Variants in FBXL20 observed in about 807,000 individuals in gnomAD.
The protein encoded by FBXL20 is F-box/LRR-repeat protein 20.
Under a neutral mutation model 64.0 loss-of-function variants are expected in FBXL20, and 11 were observed. That is an observed-to-expected ratio of 0.17 (90% CI 0.11 to 0.28). The LOEUF (loss-of-function observed/expected upper bound fraction) is 0.28. FBXL20 is among the 10% of genes least tolerant of loss of function. The pLI, the probability that FBXL20 is intolerant of heterozygous loss-of-function variation, is 1.00. For missense variants in FBXL20, 303 were observed against 526.2 expected (o/e 0.58, Z 4.15); for synonymous variants, 184 against 189.0 (o/e 0.97, Z 0.22).
At chr17:39,382,831 G>A (rs562623660) in intron 1 of FBXL20, among the ~76,000 whole-genome samples, 1 of 151,798 alleles carries the variant, frequency 6.6e-6, no homozygotes, top group African/African-American at 2.4e-5. Flanking sequence ...AGAGTGAGAC[G>A]TTGTCTCTAA....
chr17:39,272,402 A>T (rs59093626), intron 10 of FBXL20, among the ~76,000 whole-genome samples: 1,376 of 110,664 alleles, frequency 0.012, 14 homozygotes, highest in Non-Finnish European at 0.021. Flanking sequence ...AAAAAAAAAA[A>T]TTTTTTTTTT....
At chr17:39,277,292 C>A (rs1293024961) in intron 9 of FBXL20, among the ~76,000 whole-genome samples, 2 of 152,046 alleles carry the variant, frequency 1.3e-5, no homozygotes, top group South Asian at 2.1e-4. Context: ...CTATGATAGC[C>A]GAGATGTAAA....
intron 2 of FBXL20, among the ~76,000 whole-genome samples, chr17:39,310,744 G>C (rs531545768): frequency 2.0e-5 from 3 of 152,198 alleles, no homozygotes; most frequent in Non-Finnish European, 4.4e-5. Context: ...CCAGCACTTT[G>C]GGAGGCCAAG....
At position 39,320,592 on chromosome 17, in the gene FBXL20, A is replaced by ATT. The variant is rs916741667; in HGVS notation, c.105-16955_105-16954dup. ...GCCCTGTCCAGAATGTCTAGTATGA[A>ATT]TTTTTTTTTTTTTTTTTTTGAGATA... On this transcript the variant is annotated intron_variant, in intron 2 of 14. Transcript: ENST00000264658. Among the ~76,000 whole-genome samples the ATT allele has an allele frequency of 5.0e-3, 692 of 137,666 alleles. 7 individuals are homozygous for ATT. Among genetic ancestry groups the ATT allele is most frequent in the African/African-American group, 0.016 (592 of 36,882 alleles). The allele number at this position is 137,666 out of a possible 152,430, so 90.3% of individuals were successfully genotyped here.
chr17:39,282,957 C>T, intron 7 of FBXL20, 102 bp from the exon 8 acceptor site: 1 of 1,346,280 alleles, frequency 7.4e-7, no homozygotes, highest in Non-Finnish European at 1.0e-6. Flanking sequence ...GGAAACATTC[C>T]CATTTTTTCC....
chr17:39,378,173 T>C (rs938671836), intron 1 of FBXL20, among the ~76,000 whole-genome samples: 1 of 152,198 alleles, frequency 6.6e-6, no homozygotes, highest in African/African-American at 2.4e-5. Flanking sequence ...TTTCCAGAGT[T>C]GCCACATTAT....
chr17:39,363,644 T>C (rs2047821598), intron 1 of FBXL20, among the ~76,000 whole-genome samples: 1 of 151,490 alleles, frequency 6.6e-6, no homozygotes. Context: ...GCCCCTCCTC[T>C]AGAAAAAATT....
intron 2 of FBXL20, among the ~76,000 whole-genome samples, chr17:39,307,434 G>A (rs916267388): frequency 3.9e-5 from 6 of 152,246 alleles, no homozygotes; most frequent in African/African-American, 1.2e-4. Flanking sequence ...TCCAGTAGAC[G>A]AAATAGTGGG....
At chr17:39,282,689 C>T (rs376772607) in intron 8 of FBXL20, 40 bp downstream of exon 8, 150 of 1,613,478 alleles carry the variant, frequency 9.3e-5, no homozygotes, top group Non-Finnish European at 1.1e-4. Flanking sequence ...GATTCATTCA[C>T]GATTCTTCCG....
chr17:39,259,360 TAGA>T lies in FBXL20; in HGVS notation c.*2097_*2099del, dbSNP rs1163616949. The T allele has an allele frequency of 1.3e-5, 2 of 152,092 alleles. No homozygotes were observed. The highest frequency in any genetic ancestry group is 2.9e-5 in the Non-Finnish European group (2 of 68,018). The allele number at this position is 152,092 out of a possible 1,614,324, so 9.4% of individuals were successfully genotyped here. On this transcript the variant is annotated 3_prime_UTR_variant, in exon 15 of 15. Transcript: ENST00000264658. ...AAGCCTTTTAATAGTCTGGATCATA[TAGA>T]AGATTAATATTATGATGGATTGCAC...
chr17:39,314,959 G>A (rs973627271), intron 2 of FBXL20, among the ~76,000 whole-genome samples: 3 of 151,720 alleles, frequency 2.0e-5, no homozygotes, highest in South Asian at 2.1e-4. Flanking sequence ...TACCACACCC[G>A]GCTAATTTGT....
At chr17:39,262,725 G>A (rs982864853) in intron 14 of FBXL20, among the ~76,000 whole-genome samples, 3 of 151,872 alleles carry the variant, frequency 2.0e-5, no homozygotes, top group Non-Finnish European at 4.4e-5. Context: ...TCGGCCGGGC[G>A]CAGTGGCTCA....
In FBXL20 at chr17:39,398,385, G is replaced by A. The variant is rs117719511; in HGVS notation, c.42+2976C>T. 2.9e-3 allele frequency among the ~76,000 whole-genome samples: 445 copies of A among 152,182 alleles called. 1 individual carries two copies. The highest frequency in any genetic ancestry group is 0.019 in the South Asian group (92 of 4,822). On this transcript the variant is annotated intron_variant, in intron 1 of 14. Coordinates refer to ENST00000264658, the MANE Select transcript of FBXL20 (RefSeq NM_032875.3). Reference sequence around the variant, plus strand: ...ATGCAGGAAGTATTCAATAACCATCGTTAAATTTGAAAGACAATTACTAAA... The same window carrying A: ...ATGCAGGAAGTATTCAATAACCATCATTAAATTTGAAAGACAATTACTAAA...
chr17:39,264,338 C>T lies in FBXL20; in HGVS notation c.1040G>A (p.Gly347Glu). ...LITDDGIRHL[G>E]NGACAHDQLE... ...CTGGTCATGGGCGCAGGCCCCATTC[C>T]CCAGGTGACGAATTCCATCATCTGT... is the stretch of plus-strand genomic sequence containing the variant. Residue 347 changes from glycine (G) to glutamate (E), a missense_variant, in exon 14 of 15, where the codon GGG becomes GAG. Physicochemically the swap from Gly to Glu is moderately conservative, Grantham distance 98 (BLOSUM62 -2). This residue lies in a region of FBXL20 where 246 missense variants were observed against 422.6 expected (regional missense o/e 0.58). Coordinates refer to ENST00000264658, the MANE Select transcript of FBXL20 (RefSeq NM_032875.3). 6.2e-7 allele frequency: 1 copy of T among 1,614,018 alleles called. No homozygotes were observed. The highest frequency in any genetic ancestry group is 8.5e-7 in the Non-Finnish European group (1 of 1,180,042).
chr17:39,377,118 T>G (rs1468979587), intron 1 of FBXL20, among the ~76,000 whole-genome samples: 3 of 152,156 alleles, frequency 2.0e-5, no homozygotes, highest in East Asian at 3.8e-4. Flanking sequence ...TTAGGAGTCA[T>G]GAAGCTGGAG....
chr17:39,359,690 T>TG (rs1278863737), intron 1 of FBXL20, among the ~76,000 whole-genome samples: 1 of 151,784 alleles, frequency 6.6e-6, no homozygotes, highest in Non-Finnish European at 1.5e-5. Context: ...GCATTGCTCA[T>TG]GGGAATGGAA....
chr17:39,316,270 T>C (rs1380085596), intron 2 of FBXL20, among the ~76,000 whole-genome samples: 2 of 150,866 alleles, frequency 1.3e-5, no homozygotes, highest in Non-Finnish European at 2.9e-5. Context: ...ATTGTGTACA[T>C]ATATACACGT....
intron 5 of FBXL20, among the ~76,000 whole-genome samples, chr17:39,298,540 G>C (rs1052747148): frequency 6.6e-6 from 1 of 152,106 alleles, no homozygotes; most frequent in Non-Finnish European, 1.5e-5. Flanking sequence ...ACAACAAAAT[G>C]AGACCCTGAC....
intron 2 of FBXL20, among the ~76,000 whole-genome samples, chr17:39,320,592 A>T (rs1056679296): frequency 2.2e-5 from 3 of 137,678 alleles, no homozygotes; most frequent in Non-Finnish European, 3.1e-5. Flanking sequence ...TCTAGTATGA[A>T]TTTTTTTTTT....
Sources: allele counts gnomAD v4.1 joint callset (sites outside exome capture counted in the v4.1 genomes callset), GRCh38; gene constraint gnomAD v4.1.1; regional missense constraint gnomAD v4.1.1; transcripts MANE v1.5; gene names NCBI Gene and HGNC (gene_info 2026-07-23, HGNC 2026-07-21).